The following MFSD6 variants were observed in gnomAD, a reference collection of about 807,000 sequenced individuals.
The protein encoded by MFSD6 is major facilitator superfamily domain containing 6.
MFSD6 carries 26 observed loss-of-function variants against 56.3 expected under a neutral mutation model. The ratio of observed to expected loss-of-function variants is 0.46; its 90% CI spans 0.34 to 0.64. The LOEUF (loss-of-function observed/expected upper bound fraction) is 0.64. Among genes scored for constraint, MFSD6 ranks in the 30% least tolerant of loss-of-function variants. The pLI, the probability that MFSD6 is intolerant of heterozygous loss-of-function variation, is 0.01. For missense variants in MFSD6, 750 were observed against 986.2 expected (o/e 0.76, Z 3.21); for synonymous variants, 331 against 366.9 (o/e 0.90, Z 1.12).
chr2:190,481,486 A>G (rs143069471), intron 4 of MFSD6, among the ~76,000 whole-genome samples: 6 of 152,202 alleles, frequency 3.9e-5, no homozygotes, highest in Admixed American at 1.3e-4. Flanking sequence ...TTTCAGTTCA[A>G]TGTCCTTTTG....
In MFSD6 at chr2:190,462,870, C is replaced by CT. The variant is rs1687402656; in HGVS notation, c.1533-6887dup. On this transcript the variant is annotated intron_variant, in intron 3 of 7. Transcript: ENST00000392328. This position sits in a 1 kb window ranked among gnomAD's most constrained non-coding sequence, Gnocchi z 5.7. ...CTGCCTGTTGCTCAGGTCACTGATT[C>CT]TGTGGCCTTGTCTCCTCTCCTCTCT... 6.6e-6 allele frequency among the ~76,000 whole-genome samples: 1 copy of CT among 152,212 alleles called. No individual in the cohort carries two copies. Among genetic ancestry groups the CT allele is most frequent in the African/African-American group, 2.4e-5 (1 of 41,456 alleles).
rs1490015865 is a variant in MFSD6 at position 190,434,591 on chromosome 2, G to A, written c.-53-1386G>A. On this transcript the variant is annotated intron_variant, in intron 2 of 7. Coordinates refer to ENST00000392328, the MANE Select transcript of MFSD6 (RefSeq NM_017694.4). This position sits in a 1 kb window ranked among gnomAD's most constrained non-coding sequence, Gnocchi z 4.3. ...GCTGGGACTACATGCGTGCCACCAG[G>A]CCCAGCTAATTCTTGTACTTTTAGT... Among the ~76,000 whole-genome samples, 1 of 152,076 alleles carries A rather than the reference G, an allele frequency of 6.6e-6. No individual in the cohort carries two copies. Among genetic ancestry groups the A allele is most frequent in the Non-Finnish European group, 1.5e-5 (1 of 68,012 alleles).
At position 190,434,864 on chromosome 2, in the gene MFSD6, T is replaced by C. The variant is rs1686124717; in HGVS notation, c.-53-1113T>C. Among the ~76,000 whole-genome samples the C allele has an allele frequency of 6.6e-6, 1 of 152,196 alleles. No homozygotes were observed. The highest frequency in any genetic ancestry group is 2.1e-4 in the South Asian group (1 of 4,830). ...CTACCACTCTGTGGCCTGTTAGGAA[T>C]TGGGCTGCACAGCAAGAGCGGGCCA... On this transcript the variant is annotated intron_variant, in intron 2 of 7. Coordinates refer to ENST00000392328, the MANE Select transcript of MFSD6 (RefSeq NM_017694.4). The surrounding 1 kb of genome is among the most constrained non-coding windows in gnomAD (Gnocchi z 4.3).
Position 190,438,157 on chromosome 2 carries a change from A to C in MFSD6, c.1532+596A>C, listed in dbSNP as rs1014104656. Reference sequence around the variant, plus strand: ...CTGCATTTCTGTCCACCATGAAGACATAGGATATTTGAAAATCTTTCTTCC... The same window carrying C: ...CTGCATTTCTGTCCACCATGAAGACCTAGGATATTTGAAAATCTTTCTTCC... On this transcript the variant is annotated intron_variant, in intron 3 of 7. Coordinates refer to ENST00000392328, the MANE Select transcript of MFSD6 (RefSeq NM_017694.4). This position sits in a 1 kb window ranked among gnomAD's most constrained non-coding sequence, Gnocchi z 5.2. 6.6e-6 allele frequency among the ~76,000 whole-genome samples: 1 copy of C among 152,004 alleles called. No homozygotes were observed. The highest frequency in any genetic ancestry group is 1.9e-4 in the East Asian group (1 of 5,184).
chr2:190,448,026 C>A (rs918961887), intron 3 of MFSD6, among the ~76,000 whole-genome samples: 1 of 152,206 alleles, frequency 6.6e-6, no homozygotes, highest in Non-Finnish European at 1.5e-5. Flanking sequence ...ACATGGTTTT[C>A]TTTCTCTTCC....
rs183051229 is a variant in MFSD6, at chr2:190,438,181, C to G, written c.1532+620C>G. ...CATAGGATATTTGAAAATCTTTCTT[C>G]CACCTAAAATTTCCCATGTAATTCT... On this transcript the variant is annotated intron_variant, in intron 3 of 7. Transcript: ENST00000392328. The surrounding 1 kb of genome is among the most constrained non-coding windows in gnomAD (Gnocchi z 5.2). Among the ~76,000 whole-genome samples, 910 of 148,580 alleles carry G rather than the reference C, an allele frequency of 6.1e-3. 6 individuals carry two copies. The highest frequency in any genetic ancestry group is 0.036 in the South Asian group (165 of 4,608).
Position 190,497,654 on chromosome 2 carries a change from T to C in MFSD6, c.2107T>C (p.Tyr703His). Residue 703 changes from tyrosine (Y) to histidine (H), a missense_variant, in exon 7 of 8, where the codon TAC becomes CAC. By Grantham distance (83) the Tyr-to-His change is moderately conservative. Coordinates refer to ENST00000392328, the MANE Select transcript of MFSD6 (RefSeq NM_017694.4). This position sits in a 1 kb window ranked among gnomAD's most constrained non-coding sequence, Gnocchi z 5.2. Reference sequence around the variant, plus strand: ...CTGGGTGACCTTTGTCTATGCACTCTACCAAATTAAAGAGATGATGCAACT... The same window carrying C: ...CTGGGTGACCTTTGTCTATGCACTCCACCAAATTAAAGAGATGATGCAACT... ...SPWVTFVYALYQIKEMMQLTR... is the reference protein window; with the variant it reads ...SPWVTFVYALHQIKEMMQLTR... The C allele has an allele frequency of 6.2e-7, 1 of 1,614,140 alleles. No homozygotes were observed. Among genetic ancestry groups the C allele is most frequent in the Non-Finnish European group, 8.5e-7 (1 of 1,179,994 alleles).
Position 190,498,854 on chromosome 2 carries a change from TAA to T in MFSD6, c.2172+1137_2172+1138del, listed in dbSNP as rs745725382. ...TTTTTTTCTGGTATGTTAGGATTAA[TAA>T]ATTTTTTTCTGGGCTGGGCATGGTG... On this transcript the variant is annotated intron_variant, in intron 7 of 7. Transcript: ENST00000392328. The surrounding 1 kb of genome is among the most constrained non-coding windows in gnomAD (Gnocchi z 5.9). Among the ~76,000 whole-genome samples the T allele has an allele frequency of 1.3e-5, 2 of 152,206 alleles. No individual in the cohort carries two copies. The highest frequency in any genetic ancestry group is 2.9e-5 in the Non-Finnish European group (2 of 68,036).
At chr2:190,421,332 A>T (rs1222484424) in intron 2 of MFSD6, among the ~76,000 whole-genome samples, 3 of 152,356 alleles carry the variant, frequency 2.0e-5, no homozygotes, top group East Asian at 3.9e-4. Flanking sequence ...CATTCTGTAC[A>T]ACTCTGAAAA....
In MFSD6 at chr2:190,451,981, A is replaced by G. The variant is rs1277881520; in HGVS notation, c.1532+14420A>G. On this transcript the variant is annotated intron_variant, in intron 3 of 7. Coordinates refer to ENST00000392328, the MANE Select transcript of MFSD6 (RefSeq NM_017694.4). This position sits in a 1 kb window ranked among gnomAD's most constrained non-coding sequence, Gnocchi z 5.0. ...TCTTCATTCTCTGAGTTTTAGAGAA[A>G]TTACAAGCTGTGCTGTTTTTTTGAG... Among the ~76,000 whole-genome samples, 1 of 152,160 alleles carries G rather than the reference A, an allele frequency of 6.6e-6. No homozygotes were observed. Among genetic ancestry groups the G allele is most frequent in the East Asian group, 1.9e-4 (1 of 5,194 alleles).
At position 190,458,691 on chromosome 2, in the gene MFSD6, G is replaced by A. The variant is rs1687167810; in HGVS notation, c.1533-11067G>A. ...TCTCCAAAGGCAGTGGAGGTCACTT[G>A]AGACTCTTTCAGTGAAAGTGGCAAA... is the stretch of plus-strand genomic sequence containing the variant. On this transcript the variant is annotated intron_variant, in intron 3 of 7. Transcript: ENST00000392328. The surrounding 1 kb of genome is among the most constrained non-coding windows in gnomAD (Gnocchi z 5.3). Among the ~76,000 whole-genome samples, 1 of 152,186 alleles carries A rather than the reference G, an allele frequency of 6.6e-6. No individual in the cohort carries two copies. The highest frequency in any genetic ancestry group is 6.5e-5 in the Admixed American group (1 of 15,280).
chr2:190,409,430 C>T (rs1332094939), intron 1 of MFSD6, among the ~76,000 whole-genome samples: 1 of 152,038 alleles, frequency 6.6e-6, no homozygotes, highest in Non-Finnish European at 1.5e-5. Context: ...TATTAGTGTG[C>T]AAAAGACTTA....
intron 3 of MFSD6, among the ~76,000 whole-genome samples, chr2:190,441,185 T>C (rs997995201): frequency 3.9e-5 from 6 of 152,268 alleles, no homozygotes; most frequent in Non-Finnish European, 8.8e-5. Flanking sequence ...TCAGATCCTC[T>C]CCTTGCCCCG....
chr2:190,492,045 A>C lies in MFSD6; in HGVS notation c.1891+2179A>C, dbSNP rs956031360. Among the ~76,000 whole-genome samples the C allele has an allele frequency of 6.6e-6, 1 of 152,232 alleles. No individual in the cohort carries two copies. The highest frequency in any genetic ancestry group is 2.4e-5 in the African/African-American group (1 of 41,470). ...GAAAGTCTCAGCAACAGAATCGAAG[A>C]AGCAGAAGAAAGAACTTCAGAGCTC... On this transcript the variant is annotated intron_variant, in intron 6 of 7. Transcript: ENST00000392328. The surrounding 1 kb of genome is among the most constrained non-coding windows in gnomAD (Gnocchi z 5.2).
At chr2:190,472,289 G>A (rs1367391500) in intron 4 of MFSD6, among the ~76,000 whole-genome samples, 4 of 152,088 alleles carry the variant, frequency 2.6e-5, no homozygotes, top group East Asian at 1.9e-4. Flanking sequence ...AAACTACTCC[G>A]AGCTAAAGGA....
rs939395583 is a variant in MFSD6, at chr2:190,485,510, A to G, written c.1631-3147A>G. Among the ~76,000 whole-genome samples, 16 of 152,266 alleles carry G rather than the reference A, an allele frequency of 1.1e-4. No individual in the cohort carries two copies. The East Asian group carries it at 2.3e-3, about 22-fold the overall frequency. On this transcript the variant is annotated intron_variant, in intron 4 of 7. Transcript: ENST00000392328. This position sits in a 1 kb window ranked among gnomAD's most constrained non-coding sequence, Gnocchi z 5.1. ...AATAAATTAATTTATTTCTTGGAAT[A>G]TTTTTGAGTTTTTCCCCCAGTGTGG...
chr2:190,426,637 C>G lies in MFSD6; in HGVS notation c.-53-9340C>G, dbSNP rs1185171027. ...CAGCCCTCATCCCCCTCCCATTCTCCCCACTTTTGGAGTCCCCAGTGTCTA... is the reference window on the plus strand; with the variant it reads ...CAGCCCTCATCCCCCTCCCATTCTCGCCACTTTTGGAGTCCCCAGTGTCTA... On this transcript the variant is annotated intron_variant, in intron 2 of 7. Coordinates refer to ENST00000392328, the MANE Select transcript of MFSD6 (RefSeq NM_017694.4). This position sits in a 1 kb window ranked among gnomAD's most constrained non-coding sequence, Gnocchi z 4.7. 6.6e-6 allele frequency among the ~76,000 whole-genome samples: 1 copy of G among 152,164 alleles called. No homozygotes were observed. The highest frequency in any genetic ancestry group is 2.4e-5 in the African/African-American group (1 of 41,424).
chr2:190,458,378 C>T lies in MFSD6; in HGVS notation c.1533-11380C>T, dbSNP rs777583333. Among the ~76,000 whole-genome samples, 3 of 152,062 alleles carry T rather than the reference C, an allele frequency of 2.0e-5. No individual in the cohort carries two copies. Among genetic ancestry groups the T allele is most frequent in the African/African-American group, 7.2e-5 (3 of 41,392 alleles). ...ACAGATAGGCACAAGGGAAGATAGG[C>T]GATGACACAGGGAGAGGATGACTTG... is the stretch of plus-strand genomic sequence containing the variant. On this transcript the variant is annotated intron_variant, in intron 3 of 7. Transcript: ENST00000392328. The surrounding 1 kb of genome is among the most constrained non-coding windows in gnomAD (Gnocchi z 5.3).
rs1686787174 is a variant in MFSD6, at chr2:190,451,956, TC to T, written c.1532+14396del. ...ACCCTACTTTACAAAGGTCCATTTT[TC>T]TTCATTCTCTGAGTTTTAGAGAAAT... On this transcript the variant is annotated intron_variant, in intron 3 of 7. Coordinates refer to ENST00000392328, the MANE Select transcript of MFSD6 (RefSeq NM_017694.4). This position sits in a 1 kb window ranked among gnomAD's most constrained non-coding sequence, Gnocchi z 5.0. Among the ~76,000 whole-genome samples the T allele has an allele frequency of 6.6e-6, 1 of 152,242 alleles. No homozygotes were observed. Among genetic ancestry groups the T allele is most frequent in the South Asian group, 2.1e-4 (1 of 4,832 alleles).
Sources: gnomAD v4.1 joint callset for allele counts (sites outside exome capture counted in the v4.1 genomes callset) on GRCh38, gnomAD v4.1.1 for gene constraint, Gnocchi (gnomAD v3.1) non-coding constraint, MANE v1.5 for transcripts, NCBI Gene and HGNC (gene_info 2026-07-23, HGNC 2026-07-21) for gene names.